Variants in LARGE1 observed in about 807,000 individuals in gnomAD.
LARGE1 encodes the protein xylosyl- and glucuronyltransferase LARGE1.
In LARGE1, 43 loss-of-function variants were observed where a neutral mutation model predicts 87.6. The observed-to-expected ratio is 0.49, with a 90% CI of 0.38 to 0.63. The LOEUF (loss-of-function observed/expected upper bound fraction) is 0.63, where lower values mean the gene tolerates loss of function less well. LARGE1 is among the 30% of genes least tolerant of loss of function. The pLI is 0.00. For missense variants in LARGE1, 802 were observed against 1,000.2 expected (o/e 0.80, Z 2.67); for synonymous variants, 434 against 394.6 (o/e 1.10, Z -1.18).
intron 6 of LARGE1, among the ~76,000 whole-genome samples, chr22:33,502,552 C>T (rs1001415204): frequency 2.0e-5 from 3 of 151,824 alleles, no homozygotes; most frequent in African/African-American, 7.3e-5. Context: ...CCCACCTCTG[C>T]GTATCCTGCA....
At chr22:33,786,902 A>C (rs1811103) in intron 1 of LARGE1, among the ~76,000 whole-genome samples, 1 of 151,708 alleles carries the variant, frequency 6.6e-6, no homozygotes, top group Non-Finnish European at 1.5e-5. Flanking sequence ...CTGCCTGTAG[A>C]CCCAGCTACT....
intron 6 of LARGE1, among the ~76,000 whole-genome samples, chr22:33,482,776 T>C (rs935750245): frequency 4.6e-5 from 7 of 152,284 alleles, no homozygotes; most frequent in African/African-American, 1.4e-4. Flanking sequence ...AATGAAATTA[T>C]TATTGACTGT....
intron 2 of LARGE1, among the ~76,000 whole-genome samples, chr22:33,700,960 G>C (rs1049861119): frequency 1.3e-5 from 2 of 152,166 alleles, no homozygotes; most frequent in African/African-American, 2.4e-5. Context: ...TGGCAGTGAG[G>C]ACAAAGACGT....
At chr22:33,752,567 A>G (rs1025113062) in intron 2 of LARGE1, among the ~76,000 whole-genome samples, 1 of 152,212 alleles carries the variant, frequency 6.6e-6, no homozygotes, top group African/African-American at 2.4e-5. Context: ...CAATACATCT[A>G]AATACAGTGC....
At chr22:33,892,209 A>G (rs564780056) in intron 1 of LARGE1, among the ~76,000 whole-genome samples, 142 of 152,242 alleles carry the variant, frequency 9.3e-4, no homozygotes, top group African/African-American at 3.3e-3. Context: ...GGCAACGATC[A>G]CTTATTTCTA....
chr22:33,616,733 GA>G (rs904007443), intron 4 of LARGE1, among the ~76,000 whole-genome samples: 1 of 152,174 alleles, frequency 6.6e-6, no homozygotes, highest in Non-Finnish European at 1.5e-5. Flanking sequence ...AATACTGTAT[GA>G]TTTCACTTTC....
intron 9 of LARGE1, among the ~76,000 whole-genome samples, chr22:33,367,744 T>C (rs895842153): frequency 2.6e-5 from 4 of 152,204 alleles, no homozygotes; most frequent in Non-Finnish European, 5.9e-5. Context: ...ACGTTGTTTA[T>C]ATTAATATAT....
intron 1 of LARGE1, among the ~76,000 whole-genome samples, chr22:33,785,128 T>TGTGTATATAC (rs1569445894): frequency 1.3e-4 from 8 of 60,348 alleles, no homozygotes; most frequent in East Asian, 5.3e-4. Flanking sequence ...TATATGCATA[T>TGTGTATATAC]ATGTGTATAC....
At chr22:33,645,662 C>G (rs2149161142) in intron 3 of LARGE1, among the ~76,000 whole-genome samples, 1 of 152,272 alleles carries the variant, frequency 6.6e-6, no homozygotes, top group South Asian at 2.1e-4. Flanking sequence ...AGGCAACCTA[C>G]AGAATGGGAG....
At chr22:33,634,003 G>A (rs1387520079) in intron 3 of LARGE1, among the ~76,000 whole-genome samples, 1 of 152,172 alleles carries the variant, frequency 6.6e-6, no homozygotes, top group South Asian at 2.1e-4. Flanking sequence ...AGCTTCACTC[G>A]CCTCATCCGT....
chr22:33,866,306 A>G (rs2064102190), intron 1 of LARGE1, among the ~76,000 whole-genome samples: 1 of 152,226 alleles, frequency 6.6e-6, no homozygotes, highest in African/African-American at 2.4e-5. Context: ...TGTTTTGCCC[A>G]GTATGGGAGT....
intron 11 of LARGE1, among the ~76,000 whole-genome samples, chr22:33,306,089 C>T (rs749563143): frequency 1.3e-5 from 2 of 152,092 alleles, no homozygotes; most frequent in Non-Finnish European, 2.9e-5. Context: ...CGTGATCCGC[C>T]CACCTCGGCC....
At chr22:33,584,309 C>A (rs567444173) in intron 5 of LARGE1, among the ~76,000 whole-genome samples, 5 of 152,136 alleles carry the variant, frequency 3.3e-5, no homozygotes, top group Non-Finnish European at 7.4e-5. Context: ...TCTGTGTTCT[C>A]GACAATGATG....
chr22:33,178,859 C>T (rs1271893972), intron 11 of LARGE1, among the ~76,000 whole-genome samples: 4 of 152,274 alleles, frequency 2.6e-5, no homozygotes, highest in African/African-American at 7.2e-5. Context: ...GTATCCATGT[C>T]TTACTCCATT....
chr22:33,633,910 C>A (rs1365075693), intron 3 of LARGE1, among the ~76,000 whole-genome samples: 1 of 152,156 alleles, frequency 6.6e-6, no homozygotes, highest in Non-Finnish European at 1.5e-5. Context: ...AATCCCACAA[C>A]AAGAGCAGAG....
intron 2 of LARGE1, among the ~76,000 whole-genome samples, chr22:33,745,053 A>C (rs2084029145): frequency 6.6e-6 from 1 of 152,234 alleles, no homozygotes; most frequent in Non-Finnish European, 1.5e-5. Flanking sequence ...CTAAGGACCG[A>C]GGGAAGGAAT....
intron 5 of LARGE1, among the ~76,000 whole-genome samples, chr22:33,594,876 G>A (rs2078936915): frequency 1.3e-5 from 2 of 152,138 alleles, no homozygotes; most frequent in South Asian, 4.1e-4. Context: ...CAAAGTGCTG[G>A]TATTACAGGC....
chr22:33,402,238 G>C lies in LARGE1; in HGVS notation c.893-17934C>G, dbSNP rs574811486. On this transcript the variant is annotated intron_variant, in intron 7 of 14. Transcript: ENST00000397394. ...TAGGTCTGCTGTGTGATGAATGAAA[G>C]AGCCATATCCCAGAACCAGAGGCCC... is the stretch of plus-strand genomic sequence containing the variant. Among the ~76,000 whole-genome samples, 4 of 152,260 alleles carry C rather than the reference G, an allele frequency of 2.6e-5. No homozygotes were observed. The East Asian group carries it at 7.7e-4, about 29-fold the overall frequency.
intron 1 of LARGE1, among the ~76,000 whole-genome samples, chr22:33,855,587 G>A (rs1007739051): frequency 2.9e-4 from 44 of 152,272 alleles, no homozygotes; most frequent in South Asian, 2.1e-4. Context: ...AAGATGGCAG[G>A]AATCAGAATT....
Sources: allele counts gnomAD v4.1 joint callset (sites outside exome capture counted in the v4.1 genomes callset), GRCh38; gene constraint gnomAD v4.1.1; transcripts MANE v1.5; gene names NCBI Gene and HGNC (gene_info 2026-07-23, HGNC 2026-07-21).